Variants in CSMD1 observed in about 807,000 individuals in gnomAD.
CSMD1 encodes CUB and Sushi multiple domains 1, also known as CUB and sushi domain-containing protein 1.
Under a neutral mutation model 417.5 loss-of-function variants are expected in CSMD1, and 213 were observed. The ratio of observed to expected loss-of-function variants is 0.51; its 90% CI spans 0.46 to 0.57. The LOEUF (loss-of-function observed/expected upper bound fraction) is 0.57, where lower values mean the gene tolerates loss of function less well. CSMD1 is among the 20% of genes least tolerant of loss of function. The pLI is 0.00. For missense variants in CSMD1, 6,923 were observed against 4,529.7 expected, an observed-to-expected ratio of 1.53 and a Z score of -15.17; for synonymous variants, 2,862 against 1,736.8, an observed-to-expected ratio of 1.65 and a Z score of -16.11.
intron 23 of CSMD1, among the ~76,000 whole-genome samples, chr8:3,340,986 C>T (rs555571769): frequency 6.6e-6 from 1 of 152,310 alleles, no homozygotes; most frequent in South Asian, 2.1e-4. Flanking sequence ...ATTTGTGCTA[C>T]TATGTAATCA....
chr8:3,412,894 G>C (rs1009952328), intron 12 of CSMD1, among the ~76,000 whole-genome samples: 5 of 152,198 alleles, frequency 3.3e-5, no homozygotes, highest in Non-Finnish European at 4.4e-5. Context: ...TAATAGAAAA[G>C]AGCTCTTGTT....
At chr8:4,635,480 T>C (rs1467845169) in intron 2 of CSMD1, among the ~76,000 whole-genome samples, 1 of 152,138 alleles carries the variant, frequency 6.6e-6, no homozygotes, top group Non-Finnish European at 1.5e-5. Flanking sequence ...AGGTTTTCTA[T>C]ATATGAAAGA....
chr8:4,700,298 C>T (rs777599130), intron 1 of CSMD1, among the ~76,000 whole-genome samples: 6 of 151,834 alleles, frequency 4.0e-5, no homozygotes, highest in East Asian at 1.9e-4. Context: ...TATAAACCAA[C>T]GTGAATGTTT....
At chr8:3,370,887 A>G (rs1809902960) in intron 18 of CSMD1, among the ~76,000 whole-genome samples, 1 of 152,142 alleles carries the variant, frequency 6.6e-6, no homozygotes. Flanking sequence ...GAGGAAGGAA[A>G]ATCACTTAAA....
At chr8:3,567,724 C>A (rs1443210215) in intron 10 of CSMD1, among the ~76,000 whole-genome samples, 1 of 152,122 alleles carries the variant, frequency 6.6e-6, no homozygotes, top group Non-Finnish European at 1.5e-5. Context: ...ATTTCTGGAA[C>A]GTCCAACCTT....
At chr8:4,358,409 G>A (rs916950345) in intron 3 of CSMD1, among the ~76,000 whole-genome samples, 2 of 152,066 alleles carry the variant, frequency 1.3e-5, no homozygotes, top group African/African-American at 2.4e-5. Flanking sequence ...CGTGACACGT[G>A]AAAATATATG....
At chr8:4,214,052 G>T (rs533908766) in intron 3 of CSMD1, among the ~76,000 whole-genome samples, 4 of 152,184 alleles carry the variant, frequency 2.6e-5, no homozygotes, top group Admixed American at 1.3e-4. Flanking sequence ...AATGCAAAAT[G>T]ATCAATAAAT....
intron 49 of CSMD1, among the ~76,000 whole-genome samples, chr8:3,086,834 T>C (rs766749271): frequency 1.3e-5 from 2 of 152,250 alleles, no homozygotes; most frequent in African/African-American, 4.8e-5. Flanking sequence ...ACATGTTTTT[T>C]ACTTCAAGAG....
intron 5 of CSMD1, among the ~76,000 whole-genome samples, chr8:3,798,686 G>A (rs1800295869): frequency 6.6e-6 from 1 of 152,088 alleles, no homozygotes; most frequent in South Asian, 2.1e-4. Flanking sequence ...ACACATATAA[G>A]TGTATATACA....
chr8:4,471,582 G>A (rs1044465698), intron 2 of CSMD1, among the ~76,000 whole-genome samples: 6 of 152,168 alleles, frequency 3.9e-5, no homozygotes, highest in South Asian at 2.1e-4. Flanking sequence ...CCGTTTTAGA[G>A]AGAGGTGCAG....
chr8:3,729,199 C>T (rs986119929), intron 6 of CSMD1, among the ~76,000 whole-genome samples: 10 of 152,208 alleles, frequency 6.6e-5, no homozygotes, highest in Non-Finnish European at 1.2e-4. Flanking sequence ...ATAAGCAATG[C>T]CGTCTTAAAA....
At chr8:4,354,731 A>G (rs1401225700) in intron 3 of CSMD1, among the ~76,000 whole-genome samples, 1 of 152,138 alleles carries the variant, frequency 6.6e-6, no homozygotes, top group Non-Finnish European at 1.5e-5. Context: ...TTTATAATGT[A>G]AGTGATGCAG....
chr8:4,297,434 A>G (rs17413323), intron 3 of CSMD1, among the ~76,000 whole-genome samples: 6,678 of 152,254 alleles, frequency 0.044, 195 homozygotes, highest in South Asian at 0.1. Context: ...GGTATTAAGG[A>G]AAAACAGACA....
At chr8:4,224,112 T>A (rs1355553559) in intron 3 of CSMD1, among the ~76,000 whole-genome samples, 1 of 152,066 alleles carries the variant, frequency 6.6e-6, no homozygotes, top group East Asian at 1.9e-4. Flanking sequence ...AGGCTAAGAG[T>A]AACTGAACAT....
intron 10 of CSMD1, among the ~76,000 whole-genome samples, chr8:3,554,410 T>G (rs115243170): frequency 6.6e-6 from 1 of 152,034 alleles, no homozygotes; most frequent in Non-Finnish European, 1.5e-5. Context: ...AAGCCCCCTC[T>G]GGGGGTCTGG....
At chr8:4,770,020 T>C (rs907683321) in intron 1 of CSMD1, among the ~76,000 whole-genome samples, 1 of 152,038 alleles carries the variant, frequency 6.6e-6, no homozygotes, top group African/African-American at 2.4e-5. Context: ...GACATTATTC[T>C]GTTACTCCGG....
At chr8:2,996,890 T>C (rs1806944919) in intron 54 of CSMD1, among the ~76,000 whole-genome samples, 1 of 152,192 alleles carries the variant, frequency 6.6e-6, no homozygotes, top group African/African-American at 2.4e-5. Flanking sequence ...ACCATGTTCC[T>C]CTCTCTGTTT....
chr8:4,134,528 CTTG>C (rs1322337434), intron 3 of CSMD1, among the ~76,000 whole-genome samples: 2 of 152,198 alleles, frequency 1.3e-5, no homozygotes, highest in African/African-American at 4.8e-5. Context: ...GAAGATAACT[CTTG>C]TTGTTTAAGC....
intron 5 of CSMD1, among the ~76,000 whole-genome samples, chr8:3,835,948 T>C (rs1158622977): frequency 6.6e-6 from 1 of 152,140 alleles, no homozygotes; most frequent in East Asian, 1.9e-4. Context: ...GGTCCAGGAA[T>C]AGAACTTTTG....
Sources: allele counts gnomAD v4.1 joint callset (sites outside exome capture counted in the v4.1 genomes callset), GRCh38; gene constraint gnomAD v4.1.1; transcripts MANE v1.5; gene names NCBI Gene and HGNC (gene_info 2026-07-23, HGNC 2026-07-21).